Variants in ATXN10 observed in about 807,000 individuals in gnomAD.
ATXN10 encodes the protein ataxin-10.
ATXN10 carries 28 observed loss-of-function variants against 52.9 expected under a neutral mutation model. The observed-to-expected ratio is 0.53, with a 90% CI of 0.39 to 0.73. The LOEUF is 0.73. Ranked by LOEUF, ATXN10 falls within the 30% of genes least tolerant of loss-of-function variation. The pLI, the probability that ATXN10 is intolerant of heterozygous loss-of-function variation, is 0.00. For synonymous variants in ATXN10, 226 were observed against 221.5 expected (o/e 1.02, Z -0.18); for missense variants, 565 against 577.0 (o/e 0.98, Z 0.21).
At position 45,841,663 on chromosome 22, in the gene ATXN10, T is replaced by A. The variant is rs1929349651; in HGVS notation, c.1238-1328T>A. Reference sequence around the variant, plus strand: ...GTTTAGTACGTTTCAGTTGTCTGACTTAATTGGACAGTCATTTTTACTATT... The same window carrying A: ...GTTTAGTACGTTTCAGTTGTCTGACATAATTGGACAGTCATTTTTACTATT... On this transcript the variant is annotated intron_variant, in intron 10 of 11. Coordinates refer to ENST00000252934, the MANE Select transcript of ATXN10 (RefSeq NM_013236.4). The surrounding 1 kb of genome is among the most constrained non-coding windows in gnomAD (Gnocchi z 5.1). Among the ~76,000 whole-genome samples the A allele has an allele frequency of 6.6e-6, 1 of 152,266 alleles. No homozygotes were observed.
At chr22:45,811,228 C>A (rs1236012836) in intron 10 of ATXN10, among the ~76,000 whole-genome samples, 1 of 152,014 alleles carries the variant, frequency 6.6e-6, no homozygotes, top group Non-Finnish European at 1.5e-5. Context: ...GAGAAATAGT[C>A]CTGTTATCAT....
chr22:45,688,052 C>T lies in ATXN10; in HGVS notation c.117-1660C>T, dbSNP rs976275613. 6.6e-6 allele frequency among the ~76,000 whole-genome samples: 1 copy of T among 152,052 alleles called. No homozygotes were observed. Among genetic ancestry groups the T allele is most frequent in the Non-Finnish European group, 1.5e-5 (1 of 68,000 alleles). ...CAGCCTGGGCGACAGAGCAAAACTC[C>T]GTCTCAAAAAAAAGAGTGTTAGTGA... On this transcript the variant is annotated intron_variant, in intron 1 of 11. Coordinates refer to ENST00000252934, the MANE Select transcript of ATXN10 (RefSeq NM_013236.4). This position sits in a 1 kb window ranked among gnomAD's most constrained non-coding sequence, Gnocchi z 4.0.
At chr22:45,672,254 C>G (rs1601580465) in intron 1 of ATXN10, 75 bp downstream of exon 1, 1 of 1,278,534 alleles carries the variant, frequency 7.8e-7, no homozygotes, top group Non-Finnish European at 9.8e-7. Context: ...CCGGCCTGGA[C>G]CCAGGCGCCG....
chr22:45,754,486 A>G lies in ATXN10; in HGVS notation c.1173+13948A>G, dbSNP rs1362932464. Among the ~76,000 whole-genome samples the G allele has an allele frequency of 4.6e-5, 7 of 152,148 alleles. No homozygotes were observed. The highest frequency in any genetic ancestry group is 3.9e-4 in the Admixed American group (6 of 15,270). ...TGTTTTGTTTTATCTCATCCTCTTC[A>G]GAGCCTGTGCTTACTGTGTCATTCT... On this transcript the variant is annotated intron_variant, in intron 9 of 11. Transcript: ENST00000252934. This position sits in a 1 kb window ranked among gnomAD's most constrained non-coding sequence, Gnocchi z 5.4.
In ATXN10 at chr22:45,712,344, C is replaced by T. The variant is rs16994451; in HGVS notation, c.648-6069C>T. Among the ~76,000 whole-genome samples, 20,166 of 152,152 alleles carry T rather than the reference C, an allele frequency of 0.13. 1,672 individuals carry two copies. Among genetic ancestry groups the T allele is most frequent in the East Asian group, 0.22 (1,142 of 5,176 alleles). ...ATCCACAAGGACTGTCAGTGTTTGG[C>T]GAATGCATGTCCTTTTCATTATCTG... On this transcript the variant is annotated intron_variant, in intron 5 of 11. Transcript: ENST00000252934. This position sits in a 1 kb window ranked among gnomAD's most constrained non-coding sequence, Gnocchi z 4.6.
chr22:45,738,313 T>A lies in ATXN10; in HGVS notation c.895-418T>A, dbSNP rs190085098. On this transcript the variant is annotated intron_variant, in intron 7 of 11. Transcript: ENST00000252934. ...AGGATTTCTGTGGACAAGAAATTAA[T>A]GTATTTTATGGGATATTTGTATCTT... 1.9e-3 allele frequency among the ~76,000 whole-genome samples: 282 copies of A among 152,344 alleles called. 1 individual carries two copies. The highest frequency in any genetic ancestry group is 2.4e-3 in the Non-Finnish European group (161 of 68,026).
rs567340979 is a variant in ATXN10 at position 45,733,603 on chromosome 22, G to C, written c.894+4013G>C. On this transcript the variant is annotated intron_variant, in intron 7 of 11. Transcript: ENST00000252934. This position sits in a 1 kb window ranked among gnomAD's most constrained non-coding sequence, Gnocchi z 4.4. ...ATACAAAAATTAGCCGGGTGTGGTGGCGGATGCCTGTAATCCCAGCTACTC... is the reference window on the plus strand; with the variant it reads ...ATACAAAAATTAGCCGGGTGTGGTGCCGGATGCCTGTAATCCCAGCTACTC... Among the ~76,000 whole-genome samples, 5 of 152,188 alleles carry C rather than the reference G, an allele frequency of 3.3e-5. No homozygotes were observed. In the Middle Eastern group the frequency reaches 0.01, roughly 311 times the overall value.
At position 45,740,506 on chromosome 22, in the gene ATXN10, C is replaced by T; in HGVS notation, c.1141C>T (p.Leu381=). 1 of 1,613,766 alleles carries T rather than the reference C, an allele frequency of 6.2e-7. No individual in the cohort carries two copies. The highest frequency in any genetic ancestry group is 8.5e-7 in the Non-Finnish European group (1 of 1,179,880). ...TCATCTCATTCGTCTGATTGGAAAT[C>T]TGTGTTACAAGAATAAAGATAACCA... ...KSHLIRLIGN[L]CYKNKDNQDK... Residue 381 remains leucine (L), a synonymous_variant, in exon 9 of 12, where the codon CTG becomes TTG. Transcript: ENST00000252934.
chr22:45,761,978 C>T (rs1249216271), intron 9 of ATXN10, among the ~76,000 whole-genome samples: 1 of 152,168 alleles, frequency 6.6e-6, no homozygotes, highest in African/African-American at 2.4e-5. Flanking sequence ...GGTGAATGGA[C>T]CATATTCGCC....
intron 8 of ATXN10, among the ~76,000 whole-genome samples, 154 bp downstream of exon 8, chr22:45,738,993 C>A (rs933072690): frequency 6.6e-6 from 1 of 152,166 alleles, no homozygotes; most frequent in African/African-American, 2.4e-5. Context: ...TGTAACAGTT[C>A]AGGCAGGCCA....
chr22:45,711,337 T>C lies in ATXN10; in HGVS notation c.648-7076T>C, dbSNP rs1353388644. Among the ~76,000 whole-genome samples, 4 of 152,082 alleles carry C rather than the reference T, an allele frequency of 2.6e-5. No individual in the cohort carries two copies. The East Asian group carries it at 7.7e-4, about 29-fold the overall frequency. On this transcript the variant is annotated intron_variant, in intron 5 of 11. Transcript: ENST00000252934. ...TCTTGAAATGACAAAATTACAGAAATGGAGAACGGATTAGTGGTTGTCGGG... is the reference window on the plus strand; with the variant it reads ...TCTTGAAATGACAAAATTACAGAAACGGAGAACGGATTAGTGGTTGTCGGG...
At chr22:45,827,126 TAACCACACACA>T (rs1928840569) in intron 10 of ATXN10, among the ~76,000 whole-genome samples, 1 of 102,184 alleles carries the variant, frequency 9.8e-6, no homozygotes, top group East Asian at 3.0e-4. Flanking sequence ...ATCCCCATGG[TAACCACACACA>T]CACACACACA....
rs1373997350 is a variant in ATXN10, at chr22:45,712,442, C to G, written c.648-5971C>G. 2.0e-5 allele frequency among the ~76,000 whole-genome samples: 3 copies of G among 152,172 alleles called. No individual in the cohort carries two copies. Among genetic ancestry groups the G allele is most frequent in the African/African-American group, 7.2e-5 (3 of 41,432 alleles). ...GGAGTTGAATTCTGATACATTATTA[C>G]TGGAAACAGGAGAAGCAGAATACCT... On this transcript the variant is annotated intron_variant, in intron 5 of 11. Coordinates refer to ENST00000252934, the MANE Select transcript of ATXN10 (RefSeq NM_013236.4). The surrounding 1 kb of genome is among the most constrained non-coding windows in gnomAD (Gnocchi z 4.6).
chr22:45,686,460 T>C (rs904154616), intron 1 of ATXN10, among the ~76,000 whole-genome samples: 5 of 152,186 alleles, frequency 3.3e-5, no homozygotes, highest in African/African-American at 1.2e-4. Context: ...CAGGGCTTCA[T>C]AGAGGGAGTC....
At chr22:45,834,983 G>A (rs1929118395) in intron 10 of ATXN10, among the ~76,000 whole-genome samples, 1 of 152,192 alleles carries the variant, frequency 6.6e-6, no homozygotes, top group African/African-American at 2.4e-5. Flanking sequence ...AAACCTGTGT[G>A]TGATGGGGCT....
chr22:45,700,434 T>G, intron 4 of ATXN10, 56 bp downstream of exon 4: 1 of 1,426,010 alleles, frequency 7.0e-7, no homozygotes, highest in Non-Finnish European at 9.9e-7. Context: ...GCTATATTTT[T>G]CCATTTTATA....
intron 10 of ATXN10, among the ~76,000 whole-genome samples, chr22:45,810,358 C>T (rs750305264): frequency 1.5e-4 from 23 of 152,212 alleles, no homozygotes; most frequent in Non-Finnish European, 2.8e-4. Flanking sequence ...TCCAATTTGT[C>T]TCTTCTTTTG....
intron 1 of ATXN10, chr22:45,679,646 G>C (rs1922839989): frequency 6.6e-6 from 1 of 152,224 alleles, no homozygotes; most frequent in Admixed American, 6.5e-5. Context: ...GCTTGGCTGA[G>C]GACGCCATAT....
At position 45,779,127 on chromosome 22, in the gene ATXN10, C is replaced by T. The variant is rs117600069; in HGVS notation, c.1174-27832C>T. ...GATTCCCCAAAATAAAGCTTTGCAT[C>T]GTTCTTCTCTCCTGCAAGAAGCCAC... On this transcript the variant is annotated intron_variant, in intron 9 of 11. Transcript: ENST00000252934. Among the ~76,000 whole-genome samples the T allele has an allele frequency of 6.4e-3, 971 of 152,242 alleles. 7 individuals are homozygous for T. The highest frequency in any genetic ancestry group is 0.015 in the South Asian group (71 of 4,814).
Sources: allele counts gnomAD v4.1 joint callset (sites outside exome capture counted in the v4.1 genomes callset), GRCh38; gene constraint gnomAD v4.1.1; non-coding constraint Gnocchi (gnomAD v3.1); transcripts MANE v1.5; gene names NCBI Gene and HGNC (gene_info 2026-07-23, HGNC 2026-07-21).